Variants in VIT observed in about 807,000 individuals in gnomAD.
VIT encodes vitrin.
A neutral mutation model predicts 78.0 loss-of-function variants in VIT; 99 were observed. The ratio of observed to expected loss-of-function variants is 1.27; its 90% CI spans 1.08 to 1.50. VIT has a LOEUF of 1.50. VIT is among the 40% of genes most tolerant of loss of function. The pLI is 0.00. For synonymous variants in VIT, 374 were observed against 334.3 expected, an observed-to-expected ratio of 1.12 and a Z score of -1.29; for missense variants, 1,126 against 875.3, an observed-to-expected ratio of 1.29 and a Z score of -3.61.
chr2:36,725,602 T>TGGG (rs112932967), intron 2 of VIT, among the ~76,000 whole-genome samples: 5 of 48,812 alleles, frequency 1.0e-4, no homozygotes, highest in Admixed American at 3.1e-4. Context: ...AGTTGAGGGG[T>TGGG]GGGGGGGGGG....
intron 9 of VIT, among the ~76,000 whole-genome samples, chr2:36,777,528 C>A (rs542931966): frequency 6.6e-6 from 1 of 152,138 alleles, no homozygotes; most frequent in African/African-American, 2.4e-5. Flanking sequence ...CTCTAGTCCT[C>A]AATACTCTGC....
At chr2:36,802,657 A>T (rs1216391984) in intron 13 of VIT, among the ~76,000 whole-genome samples, 1 of 152,258 alleles carries the variant, frequency 6.6e-6, no homozygotes, top group Non-Finnish European at 1.5e-5. Flanking sequence ...CTTAATGCTT[A>T]CATTAGTAAA....
At position 36,810,063 on chromosome 2, in the gene VIT, G is replaced by A. The variant is rs937331599; in HGVS notation, c.1903+1078G>A. Among the ~76,000 whole-genome samples, 12 of 151,436 alleles carry A rather than the reference G, an allele frequency of 7.9e-5. No homozygotes were observed. The East Asian group carries it at 1.2e-3, about 15-fold the overall frequency. On this transcript the variant is annotated intron_variant, in intron 15 of 15. Transcript: ENST00000379242. ...TCCCAGCACTTTGGGAGGCTGAGGC[G>A]GGCGGATCACCCGAGGTTGGGAGTT...
intron 10 of VIT, 32 bp from the exon 11 acceptor site, chr2:36,783,308 T>C (rs372577824): frequency 1.2e-6 from 2 of 1,612,846 alleles, no homozygotes; most frequent in Non-Finnish European, 1.7e-6. Flanking sequence ...CCTTTCCTTG[T>C]AAGTCACCAA....
At chr2:36,725,145 T>C (rs1448786513) in intron 2 of VIT, among the ~76,000 whole-genome samples, 1 of 152,136 alleles carries the variant, frequency 6.6e-6, no homozygotes, top group African/African-American at 2.4e-5. Context: ...CAGTTCTCTT[T>C]CATGTTTCTG....
chr2:36,809,287 G>C (rs889568624), intron 15 of VIT, among the ~76,000 whole-genome samples: 5 of 152,116 alleles, frequency 3.3e-5, no homozygotes, highest in Non-Finnish European at 7.4e-5. Context: ...TTTCCCACAA[G>C]AGCATGATAC....
chr2:36,717,588 G>C (rs1257679701), intron 2 of VIT, among the ~76,000 whole-genome samples: 2 of 152,116 alleles, frequency 1.3e-5, no homozygotes, highest in African/African-American at 4.8e-5. Context: ...CGCAATCATG[G>C]ATAGGCCCTT....
At chr2:36,720,949 G>T (rs765054489) in intron 2 of VIT, among the ~76,000 whole-genome samples, 1 of 151,898 alleles carries the variant, frequency 6.6e-6, no homozygotes, top group African/African-American at 2.4e-5. Flanking sequence ...GGCAGAGCTC[G>T]CAGTGAGCTG....
intron 3 of VIT, among the ~76,000 whole-genome samples, chr2:36,740,756 C>T (rs1046809009): frequency 1.3e-5 from 2 of 152,118 alleles, no homozygotes; most frequent in Non-Finnish European, 2.9e-5. Flanking sequence ...ACAAGTGCCC[C>T]CTTAAAGAAA....
At chr2:36,704,140 G>A (rs1334465887) in intron 1 of VIT, among the ~76,000 whole-genome samples, 8 of 151,932 alleles carry the variant, frequency 5.3e-5, no homozygotes, top group African/African-American at 1.9e-4. Context: ...TGGCTAGGCT[G>A]GTCTCGAAGT....
intron 7 of VIT, among the ~76,000 whole-genome samples, chr2:36,771,450 C>T (rs183062801): frequency 1.7e-3 from 251 of 150,896 alleles, no homozygotes; most frequent in African/African-American, 5.4e-3. Flanking sequence ...CGCTTGAACC[C>T]GGGCAGCAGG....
Position 36,805,187 on chromosome 2 carries a change from C to T in VIT, c.1163-251C>T, listed in dbSNP as rs115092227. On this transcript the variant is annotated intron_variant, in intron 13 of 15. Coordinates refer to ENST00000379242, the MANE Select transcript of VIT (RefSeq NM_053276.4). ...GGTACAGTGGCACACGCCTGTAGTC[C>T]CTTCTACTCAGGAGGCTGAGGTGGG... Among the ~76,000 whole-genome samples the T allele has an allele frequency of 3.9e-3, 593 of 151,886 alleles. 5 individuals carry two copies. Among genetic ancestry groups the T allele is most frequent in the African/African-American group, 0.014 (572 of 41,428 alleles).
At chr2:36,779,748 G>A (rs906641741) in intron 9 of VIT, among the ~76,000 whole-genome samples, 18 of 152,194 alleles carry the variant, frequency 1.2e-4, no homozygotes, top group African/African-American at 3.6e-4. Flanking sequence ...AGACCTGACT[G>A]TATCTATGAG....
At chr2:36,789,753 G>T (rs892985849) in intron 12 of VIT, among the ~76,000 whole-genome samples, 1 of 152,156 alleles carries the variant, frequency 6.6e-6, no homozygotes, top group African/African-American at 2.4e-5. Flanking sequence ...CTGCACTCTT[G>T]GAATCACAGG....
At chr2:36,729,182 G>A (rs1417182429) in intron 2 of VIT, among the ~76,000 whole-genome samples, 3 of 152,130 alleles carry the variant, frequency 2.0e-5, no homozygotes, top group African/African-American at 7.2e-5. Context: ...ATACAGCCTA[G>A]GTTTGTAGTA....
At chr2:36,765,645 C>G (rs527304213) in intron 6 of VIT, among the ~76,000 whole-genome samples, 2 of 152,076 alleles carry the variant, frequency 1.3e-5, no homozygotes, top group African/African-American at 4.8e-5. Context: ...GGTCATATGA[C>G]GACGGAGCAG....
chr2:36,791,473 G>A (rs771308032), intron 12 of VIT, among the ~76,000 whole-genome samples: 2 of 152,318 alleles, frequency 1.3e-5, no homozygotes, highest in African/African-American at 2.4e-5. Context: ...ACAGCAGAAG[G>A]GACTTTGCAG....
At chr2:36,789,730 C>G (rs1312963950) in intron 12 of VIT, among the ~76,000 whole-genome samples, 1 of 152,204 alleles carries the variant, frequency 6.6e-6, no homozygotes, top group Non-Finnish European at 1.5e-5. Flanking sequence ...TTTGCTCCCC[C>G]TTAAAATCAT....
At chr2:36,698,752 T>G (rs1160667345) in intron 1 of VIT, among the ~76,000 whole-genome samples, 1 of 152,108 alleles carries the variant, frequency 6.6e-6, no homozygotes, top group Non-Finnish European at 1.5e-5. Flanking sequence ...GAGACCAGCC[T>G]GGCCAACATG....
Sources: allele counts gnomAD v4.1 joint callset (sites outside exome capture counted in the v4.1 genomes callset), GRCh38; gene constraint gnomAD v4.1.1; transcripts MANE v1.5; gene names NCBI Gene and HGNC (gene_info 2026-07-23, HGNC 2026-07-21).